The following IFT52 variants were observed in gnomAD, a reference collection of about 807,000 sequenced individuals.
The protein encoded by IFT52 is intraflagellar transport 52, also known as intraflagellar transport protein 52 homolog.
A neutral mutation model predicts 54.4 loss-of-function variants in IFT52; 44 were observed. That is an observed-to-expected ratio of 0.81 (90% CI 0.63 to 1.04). The LOEUF (loss-of-function observed/expected upper bound fraction) is 1.04, where lower values mean the gene tolerates loss of function less well. Ranked by LOEUF, IFT52 falls within the 50% of genes least tolerant of loss-of-function variation. The pLI, the probability that IFT52 is intolerant of heterozygous loss-of-function variation, is 0.00. For missense variants in IFT52, 452 were observed against 523.6 expected (o/e 0.86, Z 1.33); for synonymous variants, 181 against 185.3 (o/e 0.98, Z 0.19).
chr20:43,598,716 C>T (rs1467450172), intron 3 of IFT52, among the ~76,000 whole-genome samples: 1 of 152,076 alleles, frequency 6.6e-6, no homozygotes, highest in Admixed American at 6.6e-5. Flanking sequence ...AAACAAAAAA[C>T]TGCTGAACTA....
At chr20:43,646,913 C>T (rs1447000768) in intron 13 of IFT52, 23 bp from the exon 14 acceptor site, 1 of 1,602,498 alleles carries the variant, frequency 6.2e-7, no homozygotes, top group South Asian at 1.1e-5. Flanking sequence ...TACTAAAATT[C>T]TGTGTCTTAT....
Position 43,624,030 on chromosome 20 carries a change from T to C in IFT52, c.908T>C (p.Phe303Ser). The C allele has an allele frequency of 1.9e-6, 3 of 1,614,074 alleles. No individual in the cohort carries two copies. The highest frequency in any genetic ancestry group is 8.5e-7 in the Non-Finnish European group (1 of 1,179,994). ...LSIFQLDTTS[F>S]HSVIEAHEQL... ...ATCTTCCAGCTGGATACCACCTCCT[T>C]CCACAGCGTCATCGAGTCAGTACCT... Residue 303 changes from phenylalanine (F) to serine (S), a missense_variant, in exon 10 of 14, where the codon TTC (phenylalanine) becomes TCC (serine). Transcript: ENST00000373030.
intron 7 of IFT52, among the ~76,000 whole-genome samples, chr20:43,618,658 A>AT (rs869150375): frequency 9.5e-6 from 1 of 104,764 alleles, no homozygotes; most frequent in South Asian, 3.2e-4. Flanking sequence ...ATTTTTTTTT[A>AT]TTTTTAGTAG....
At chr20:43,630,025 T>G (rs1217487744) in intron 10 of IFT52, among the ~76,000 whole-genome samples, 1 of 152,190 alleles carries the variant, frequency 6.6e-6, no homozygotes, top group Non-Finnish European at 1.5e-5. Flanking sequence ...AGGGTGCTTT[T>G]AAGAAACAGC....
intron 1 of IFT52, 28 bp from the exon 2 acceptor site, chr20:43,594,664 AT>A (rs1172513420): frequency 8.3e-7 from 1 of 1,205,064 alleles, no homozygotes; most frequent in South Asian, 1.2e-5. Flanking sequence ...TTGTTTATTG[AT>A]TTTCTGATCC....
intron 3 of IFT52, among the ~76,000 whole-genome samples, chr20:43,600,584 A>G (rs1982359932): frequency 6.6e-6 from 1 of 152,132 alleles, no homozygotes; most frequent in Non-Finnish European, 1.5e-5. Context: ...GTTAATAAAA[A>G]GAGTATAATT....
rs184936015 is a variant in IFT52, at chr20:43,624,179, G to A, written c.923+134G>A. ...AACATGTTCTCAGATCTATGATGAG[G>A]TCAACAAAGAAACTGGGCTGGGCAT... On this transcript the variant is annotated intron_variant, in intron 10 of 13. Transcript: ENST00000373030. 5.1e-6 allele frequency: 5 copies of A among 981,518 alleles called. No individual in the cohort carries two copies. The African/African-American group carries it at 6.5e-5, about 13-fold the overall frequency. 60.8% of individuals were successfully genotyped at this position (981,518 alleles called of 1,614,324 possible).
chr20:43,646,237 CTG>C (rs1309115726), intron 13 of IFT52, among the ~76,000 whole-genome samples: 4 of 151,884 alleles, frequency 2.6e-5, no homozygotes, highest in African/African-American at 9.7e-5. Context: ...TCTATAGTGA[CTG>C]TGTCACTTTT....
intron 6 of IFT52, among the ~76,000 whole-genome samples, chr20:43,609,537 C>G (rs1028198601): frequency 1.5e-4 from 23 of 151,980 alleles, no homozygotes; most frequent in African/African-American, 4.8e-4. Flanking sequence ...TTTGGGAGGC[C>G]GAGGTGGGCG....
chr20:43,642,538 A>G lies in IFT52; in HGVS notation c.1180A>G (p.Ser394Gly). 1.2e-6 allele frequency: 2 copies of G among 1,614,158 alleles called. No homozygotes were observed. The highest frequency in any genetic ancestry group is 1.1e-5 in the South Asian group (1 of 91,090). The change falls in exon 13 of 14, where the codon AGT becomes GGT. Residue 394 changes from serine (S) to glycine (G), a missense_variant. Physicochemically the swap from Ser to Gly is moderately conservative, Grantham distance 56. Transcript: ENST00000373030. ...GTGTGGTGATATTCTTGGAGTAACC[A>G]GTAAACTACCAAAGGACCAACAGGA... ...RKCGDILGVT[S>G]KLPKDQQDAK... is the part of the protein sequence containing the mutation.
chr20:43,592,014 A>G (rs1026357600), intron 1 of IFT52, among the ~76,000 whole-genome samples: 5 of 152,226 alleles, frequency 3.3e-5, no homozygotes, highest in African/African-American at 1.2e-4. Flanking sequence ...TCAAATCAGC[A>G]TTGAAGAGAT....
At chr20:43,606,526 G>T (rs1405273923) in intron 6 of IFT52, among the ~76,000 whole-genome samples, 1 of 151,656 alleles carries the variant, frequency 6.6e-6, no homozygotes, top group South Asian at 2.1e-4. Flanking sequence ...CACCTGCCTC[G>T]GCCTCCCAAA....
intron 5 of IFT52, 109 bp downstream of exon 5, chr20:43,604,367 C>A: frequency 1.4e-6 from 1 of 718,290 alleles, no homozygotes; most frequent in Non-Finnish European, 2.4e-6. Flanking sequence ...GTCAGGAGTT[C>A]CAAACCAGCC....
chr20:43,622,868 T>G (rs923345965), intron 9 of IFT52, among the ~76,000 whole-genome samples: 10 of 150,404 alleles, frequency 6.6e-5, no homozygotes, highest in Non-Finnish European at 1.2e-4. Context: ...TTAACCACTC[T>G]CCTGTTGGCA....
chr20:43,627,926 T>TTG (rs1188331630), intron 10 of IFT52, among the ~76,000 whole-genome samples: 2 of 141,866 alleles, frequency 1.4e-5, no homozygotes, highest in African/African-American at 5.2e-5. Context: ...GAGAGAGTTT[T>TTG]TTTTTTTTTT....
chr20:43,593,398 T>C (rs1265430915), intron 1 of IFT52, among the ~76,000 whole-genome samples: 1 of 152,226 alleles, frequency 6.6e-6, no homozygotes. Context: ...TACTCAGCCA[T>C]TCAATAGATA....
At chr20:43,610,688 G>A (rs1983370474) in intron 6 of IFT52, among the ~76,000 whole-genome samples, 1 of 151,462 alleles carries the variant, frequency 6.6e-6, no homozygotes, top group Non-Finnish European at 1.5e-5. Flanking sequence ...GCAGTGAGCC[G>A]AGATCACGCC....
At chr20:43,610,749 GAAAA>G (rs60672285) in intron 6 of IFT52, among the ~76,000 whole-genome samples, 1 of 138,694 alleles carries the variant, frequency 7.2e-6, no homozygotes, top group Admixed American at 7.2e-5. Flanking sequence ...AAAAAAAAAA[GAAAA>G]AAAAAAAGGA....
Position 43,604,264 on chromosome 20 carries a change from C to T in IFT52, c.413+6C>T. ...TCCAGTGGAGTCTTGAACAGGTAAG[C>T]ATGTTGAAAGCAGAAATATCTTGGC... On this transcript the variant is annotated splice_donor_region_variant and intron_variant, in intron 5 of 13. Coordinates refer to ENST00000373030, the MANE Select transcript of IFT52 (RefSeq NM_016004.5). The T allele has an allele frequency of 6.3e-7, 1 of 1,599,088 alleles. No homozygotes were observed. Among genetic ancestry groups the T allele is most frequent in the Non-Finnish European group, 8.6e-7 (1 of 1,166,618 alleles).
Sources: allele counts gnomAD v4.1 joint callset (sites outside exome capture counted in the v4.1 genomes callset), GRCh38; gene constraint gnomAD v4.1.1; transcripts MANE v1.5; gene names NCBI Gene and HGNC (gene_info 2026-07-23, HGNC 2026-07-21).